Variants in SPATA6 observed in about 807,000 individuals in gnomAD.
The protein encoded by SPATA6 is spermatogenesis-associated protein 6.
In SPATA6, 56 loss-of-function variants were observed where a neutral mutation model predicts 65.3. The observed-to-expected ratio is 0.86, with a 90% CI of 0.69 to 1.07. The LOEUF (loss-of-function observed/expected upper bound fraction) is 1.07, where lower values mean the gene tolerates loss of function less well. SPATA6 is among the 50% of genes least tolerant of loss of function. SPATA6 has a pLI of 0.00. For missense variants in SPATA6, 590 were observed against 594.8 expected (o/e 0.99, Z 0.08); for synonymous variants, 199 against 213.2 (o/e 0.93, Z 0.58).
At chr1:48,444,272 T>C (rs1291961414) in intron 3 of SPATA6, among the ~76,000 whole-genome samples, 1 of 150,998 alleles carries the variant, frequency 6.6e-6, no homozygotes, top group African/African-American at 2.4e-5. Flanking sequence ...AACACACCAA[T>C]CAGCACTCTG....
At chr1:48,277,407 G>C in the SPATA6 span, among the ~76,000 whole-genome samples, 121 of 152,362 alleles carry the variant, frequency 7.9e-4, no homozygotes, top group African/African-American at 2.8e-3. Flanking sequence ...CAAGGGGTCA[G>C]GGAGTTCCCT....
downstream of SPATA6, among the ~76,000 whole-genome samples, chr1:48,291,902 CTTT>C (rs1423756786): frequency 1.3e-5 from 2 of 151,300 alleles, no homozygotes; most frequent in African/African-American, 4.9e-5. Flanking sequence ...CCCATTGCTT[CTTT>C]ATGTTTATGG....
rs185269814 is a variant in SPATA6, at chr1:48,418,394, T to C, written c.239-5243A>G. Among the ~76,000 whole-genome samples the C allele has an allele frequency of 3.8e-3, 569 of 151,730 alleles. 7 individuals are homozygous for C. The highest frequency in any genetic ancestry group is 0.013 in the African/African-American group (546 of 41,404). ...CTGTCTTCTAGAAAATATCTGAGCA[T>C]ACAATAAAATTTCATTAGAAATCAA... On this transcript the variant is annotated intron_variant, in intron 3 of 12. Coordinates refer to ENST00000371847, the MANE Select transcript of SPATA6 (RefSeq NM_019073.4).
chr1:48,426,928 T>C (rs1653891392), intron 3 of SPATA6, among the ~76,000 whole-genome samples: 2 of 150,790 alleles, frequency 1.3e-5, no homozygotes. Context: ...GTCAGTTCAA[T>C]CTTTTTTTTT....
At chr1:48,364,576 GT>G (rs986661755) in intron 9 of SPATA6, among the ~76,000 whole-genome samples, 25 of 152,144 alleles carry the variant, frequency 1.6e-4, no homozygotes, top group African/African-American at 5.8e-4. Flanking sequence ...TTTTTCATGT[GT>G]TTTTTGGCTG....
chr1:48,330,649 G>A (rs986224831), intron 11 of SPATA6, among the ~76,000 whole-genome samples: 3 of 152,212 alleles, frequency 2.0e-5, no homozygotes, highest in Admixed American at 6.5e-5. Flanking sequence ...GTGGCCCTAC[G>A]TTTGCCTGAA....
chr1:48,443,207 G>A (rs930137973), intron 3 of SPATA6, among the ~76,000 whole-genome samples: 1 of 152,162 alleles, frequency 6.6e-6, no homozygotes, highest in African/African-American at 2.4e-5. Flanking sequence ...ACTGAACGAG[G>A]TTTTATTAAT....
chr1:48,265,904 C>T, the SPATA6 span, among the ~76,000 whole-genome samples: 1 of 152,160 alleles, frequency 6.6e-6, no homozygotes, highest in African/African-American at 2.4e-5. Context: ...AGATATGTCT[C>T]AGATATTCTA....
intron 4 of SPATA6, among the ~76,000 whole-genome samples, chr1:48,412,458 A>G (rs2147985702): frequency 1.3e-5 from 2 of 152,366 alleles, no homozygotes; most frequent in Middle Eastern, 3.4e-3. Context: ...ATGATAAGTT[A>G]GTTTCCATTT....
In SPATA6 at chr1:48,298,229, G is replaced by C. The variant is rs1257024133; in HGVS notation, c.*484C>G. The C allele has an allele frequency of 1.3e-5, 2 of 152,204 alleles. No individual in the cohort carries two copies. Among genetic ancestry groups the C allele is most frequent in the East Asian group, 3.8e-4 (2 of 5,196 alleles). 9.4% of individuals were successfully genotyped at this position (152,204 alleles called of 1,614,324 possible). On this transcript the variant is annotated 3_prime_UTR_variant, in exon 13 of 13. Transcript: ENST00000371847. ...AAAAAGGAAAAAGTAGAAAATGTTA[G>C]TGAAAACAGGGTTTAAACCCTTAGG...
intron 11 of SPATA6, among the ~76,000 whole-genome samples, chr1:48,310,623 T>G (rs1286609345): frequency 6.6e-6 from 1 of 152,130 alleles, no homozygotes; most frequent in Non-Finnish European, 1.5e-5. Context: ...ACCAACAGGA[T>G]GTGTGTACAG....
the SPATA6 span, among the ~76,000 whole-genome samples, chr1:48,278,348 T>C: frequency 7.2e-5 from 11 of 151,906 alleles, no homozygotes; most frequent in Non-Finnish European, 1.6e-4. Flanking sequence ...CTTTGATGAG[T>C]TGAGAGAAGA....
chr1:48,368,955 T>C (rs1647132769), intron 9 of SPATA6, among the ~76,000 whole-genome samples: 1 of 152,194 alleles, frequency 6.6e-6, no homozygotes, highest in South Asian at 2.1e-4. Context: ...ATGATGGTGA[T>C]GTACAGATGG....
chr1:48,399,681 G>T, intron 6 of SPATA6, 37 bp from the exon 7 acceptor site: 1 of 1,505,534 alleles, frequency 6.6e-7, no homozygotes, highest in Middle Eastern at 1.9e-4. Context: ...TGGTCAAAGG[G>T]GATTTTTAAA....
intron 11 of SPATA6, among the ~76,000 whole-genome samples, chr1:48,339,784 C>T (rs1161967920): frequency 5.9e-5 from 9 of 151,744 alleles, no homozygotes; most frequent in African/African-American, 1.7e-4. Context: ...CACAATCAAA[C>T]GATCTAATAG....
chr1:48,333,893 C>A (rs1317241049), intron 11 of SPATA6, among the ~76,000 whole-genome samples: 2 of 151,396 alleles, frequency 1.3e-5, no homozygotes, highest in Non-Finnish European at 3.0e-5. Context: ...GTCAGCTAGA[C>A]AAACAAGAAA....
downstream of SPATA6, among the ~76,000 whole-genome samples, chr1:48,294,726 T>G (rs1569948487): frequency 6.6e-6 from 1 of 152,230 alleles, no homozygotes; most frequent in Admixed American, 6.5e-5. Flanking sequence ...CCTTTCAATC[T>G]TTCAATATTC....
the SPATA6 span, among the ~76,000 whole-genome samples, chr1:48,273,062 A>C: frequency 1.3e-5 from 2 of 152,058 alleles, no homozygotes; most frequent in African/African-American, 4.8e-5. Context: ...CTCATTCCGA[A>C]TATTGTCTTT....
intron 3 of SPATA6, among the ~76,000 whole-genome samples, chr1:48,421,053 A>T (rs1441759763): frequency 6.6e-6 from 1 of 152,168 alleles, no homozygotes; most frequent in African/African-American, 2.4e-5. Context: ...TAAGAGGAAG[A>T]GAGGATGAGG....
Sources: gnomAD v4.1 joint callset for allele counts (sites outside exome capture counted in the v4.1 genomes callset) on GRCh38, gnomAD v4.1.1 for gene constraint, MANE v1.5 for transcripts, NCBI Gene and HGNC (gene_info 2026-07-23, HGNC 2026-07-21) for gene names.